Variants in RREB1 observed in about 807,000 individuals in gnomAD.
RREB1 encodes ras responsive element binding protein 1, also known as ras-responsive element-binding protein 1.
Under a neutral mutation model 117.8 loss-of-function variants are expected in RREB1, and 27 were observed. The observed-to-expected ratio is 0.23, with a 90% confidence interval of 0.17 to 0.32. RREB1 has a LOEUF of 0.32. Ranked by LOEUF, RREB1 falls within the 10% of genes least tolerant of loss-of-function variation. RREB1 has a pLI of 1.00. For synonymous variants in RREB1, 1,298 were observed against 1,026.7 expected (o/e 1.26, Z -5.05); for missense variants, 2,577 against 2,378.2 (o/e 1.08, Z -1.74).
intron 1 of RREB1, among the ~76,000 whole-genome samples, chr6:7,130,120 C>T (rs1050338684): frequency 2.0e-5 from 3 of 152,214 alleles, no homozygotes; most frequent in Non-Finnish European, 4.4e-5. Flanking sequence ...TTCTCTGCCT[C>T]AGCCCAAAAG....
At chr6:7,117,397 T>G (rs967319579) in intron 1 of RREB1, among the ~76,000 whole-genome samples, 117 of 28,828 alleles carry the variant, frequency 4.1e-3, no homozygotes, top group African/African-American at 9.1e-3. Flanking sequence ...TGTTTTTTTT[T>G]TTTTTTTTTT....
intron 10 of RREB1, among the ~76,000 whole-genome samples, chr6:7,233,544 T>C: frequency 6.6e-6 from 1 of 152,252 alleles, no homozygotes; most frequent in East Asian, 1.9e-4. Context: ...AAATAATTTT[T>C]AGTATAAGTA....
chr6:7,118,514 A>ATAAAACATAGAAAAC (rs1761513532), intron 1 of RREB1, among the ~76,000 whole-genome samples: 4 of 152,186 alleles, frequency 2.6e-5, no homozygotes, highest in Non-Finnish European at 5.9e-5. Context: ...AACATCTCAA[A>ATAAAACATAGAAAAC]CAGGTTTTCT....
intron 6 of RREB1, among the ~76,000 whole-genome samples, chr6:7,208,253 C>T (rs1187188538): frequency 6.6e-6 from 1 of 152,178 alleles, no homozygotes; most frequent in African/African-American, 2.4e-5. Context: ...CATGATGATC[C>T]TGGCTGCACT....
At chr6:7,221,135 CTGAGTG>C (rs1767222857) in intron 8 of RREB1, among the ~76,000 whole-genome samples, 1 of 151,616 alleles carries the variant, frequency 6.6e-6, no homozygotes, top group African/African-American at 2.4e-5. Flanking sequence ...TCAACAGGTG[CTGAGTG>C]TGAGGCAGGG....
At chr6:7,167,236 G>A (rs1332053716) in intron 1 of RREB1, among the ~76,000 whole-genome samples, 2 of 152,138 alleles carry the variant, frequency 1.3e-5, no homozygotes, top group South Asian at 2.1e-4. Flanking sequence ...TTTCCTGGTC[G>A]CCAGATAGCA....
chr6:7,249,101 G>GAGAGAGAGAGAGAGACAGACAGACAGAC lies in RREB1; in HGVS notation c.*136_*137insGAGAGAGAGAGACAGACAGACAGACAGA, dbSNP rs1561812153. ...AGAGAGAGAGAGAGAGAGAGAGAGA[G>GAGAGAGAGAGAGAGACAGACAGACAGAC]AGACAAGCAGGAGCGTGGCTGCTCG... On this transcript the variant is annotated 3_prime_UTR_variant, in exon 13 of 13. Coordinates refer to ENST00000379938, the MANE Select transcript of RREB1 (RefSeq NM_001003699.4). 2 of 591,898 alleles carry GAGAGAGAGAGAGAGACAGACAGACAGAC rather than the reference G, an allele frequency of 3.4e-6. No homozygotes were observed. The highest frequency in any genetic ancestry group is 4.1e-5 in the African/African-American group (2 of 48,608). The allele number at this position is 591,898 out of a possible 1,614,324, so 36.7% of individuals were successfully genotyped here.
At chr6:7,174,415 T>C (rs1764398944) in intron 1 of RREB1, among the ~76,000 whole-genome samples, 1 of 152,054 alleles carries the variant, frequency 6.6e-6, no homozygotes, top group Admixed American at 6.6e-5. Flanking sequence ...AAAACCATCC[T>C]CTCCTTGCTG....
chr6:7,230,756 T>G lies in RREB1; in HGVS notation c.2657T>G (p.Leu886Trp), dbSNP rs775231629. Reference protein sequence around the residue: ...QPPPPHVSIKLEPASSFAVDF... With the variant: ...QPPPPHVSIKWEPASSFAVDF... ...CCACCTCCCCATGTCTCGATCAAGT[T>G]GGAGCCCGCCAGTAGCTTTGCGGTG... Residue 886 changes from leucine to tryptophan, a missense_variant, in exon 10 of 13, where the codon TTG becomes TGG. Leu to Trp is a moderately conservative substitution (Grantham distance 61, BLOSUM62 -2). Coordinates refer to ENST00000379938, the MANE Select transcript of RREB1 (RefSeq NM_001003699.4). 1.2e-6 allele frequency: 2 copies of G among 1,610,780 alleles called. No homozygotes were observed. Among genetic ancestry groups the G allele is most frequent in the Non-Finnish European group, 1.7e-6 (2 of 1,177,978 alleles).
chr6:7,141,818 G>A (rs905227063), intron 1 of RREB1, among the ~76,000 whole-genome samples: 2 of 152,240 alleles, frequency 1.3e-5, no homozygotes, highest in African/African-American at 4.8e-5. Context: ...CCAGGAGAAC[G>A]GGCAGCCGGG....
chr6:7,233,672 C>T (rs1768133535), intron 10 of RREB1, among the ~76,000 whole-genome samples: 1 of 151,952 alleles, frequency 6.6e-6, no homozygotes, highest in Admixed American at 6.6e-5. Context: ...AATATGGTAA[C>T]CCAAGGTAGT....
intron 1 of RREB1, among the ~76,000 whole-genome samples, chr6:7,116,899 A>C (rs529464758): frequency 6.6e-6 from 1 of 152,360 alleles, no homozygotes; most frequent in East Asian, 1.9e-4. Context: ...TACATTAAAT[A>C]GGAGAGATGG....
chr6:7,234,092 T>C (rs1177611195), intron 10 of RREB1, among the ~76,000 whole-genome samples: 1 of 152,226 alleles, frequency 6.6e-6, no homozygotes, highest in Non-Finnish European at 1.5e-5. Flanking sequence ...TTGTAAAGTA[T>C]GTACTGCCCT....
intron 8 of RREB1, among the ~76,000 whole-genome samples, chr6:7,224,068 A>G (rs975701062): frequency 1.3e-5 from 2 of 152,104 alleles, no homozygotes; most frequent in Non-Finnish European, 2.9e-5. Flanking sequence ...AATTTAGGCT[A>G]GGTAAGATAC....
intron 1 of RREB1, among the ~76,000 whole-genome samples, chr6:7,127,011 C>T (rs936095980): frequency 1.3e-5 from 2 of 152,158 alleles, no homozygotes; most frequent in African/African-American, 4.8e-5. Context: ...GGAAGGAAAA[C>T]GTCCTTCTAG....
At chr6:7,151,593 A>G (rs1015167973) in intron 1 of RREB1, among the ~76,000 whole-genome samples, 5 of 152,328 alleles carry the variant, frequency 3.3e-5, no homozygotes, top group African/African-American at 1.2e-4. Context: ...CAGGCACATG[A>G]CACTTGAATG....
At chr6:7,169,040 T>A (rs182362311) in intron 1 of RREB1, among the ~76,000 whole-genome samples, 198 of 149,658 alleles carry the variant, frequency 1.3e-3, no homozygotes, top group African/African-American at 4.6e-3. Context: ...CTGGAAAAAA[T>A]ATAATTGGAT....
chr6:7,219,606 C>A (rs1192842318), intron 8 of RREB1, among the ~76,000 whole-genome samples: 1 of 152,158 alleles, frequency 6.6e-6, no homozygotes, highest in Non-Finnish European at 1.5e-5. Context: ...CTTTCCAGCC[C>A]AGCAAGGGTC....
At position 7,210,878 on chromosome 6, in the gene RREB1, G is replaced by A. The variant is rs150942093; in HGVS notation, c.500G>A (p.Arg167Gln). The A allele has an allele frequency of 5.6e-6, 9 of 1,614,006 alleles. No individual in the cohort carries two copies. Among genetic ancestry groups the A allele is most frequent in the African/African-American group, 1.3e-5 (1 of 74,928 alleles). The change falls in exon 7 of 13, where the codon CGA becomes CAA. Residue 167 changes from arginine to glutamine, a missense_variant. Transcript: ENST00000379938. Reference sequence around the variant, plus strand: ...CCTCCATCTCCTCTGAAACGTAGGCGATTGTCCTCCAAGAGGAAACTGAGT... The same window carrying A: ...CCTCCATCTCCTCTGAAACGTAGGCAATTGTCCTCCAAGAGGAAACTGAGT... ...TAPPSPLKRR[R>Q]LSSKRKLSHD...
Sources: gnomAD v4.1 joint callset for allele counts (sites outside exome capture counted in the v4.1 genomes callset) on GRCh38, gnomAD v4.1.1 for gene constraint, MANE v1.5 for transcripts, NCBI Gene and HGNC (gene_info 2026-07-23, HGNC 2026-07-21) for gene names.